The following NUDT5 variants were observed in gnomAD, a reference collection of about 807,000 sequenced individuals.
NUDT5 encodes nudix hydrolase 5, also known as ADP-sugar pyrophosphatase.
A neutral mutation model predicts 34.1 loss-of-function variants in NUDT5; 21 were observed. The observed-to-expected ratio is 0.62, with a 90% CI of 0.44 to 0.89. The LOEUF is 0.89. NUDT5 is among the 40% of genes least tolerant of loss of function. The probability of loss-of-function intolerance (pLI) is 0.00; values close to 1 mark genes in which losing one functional copy is unlikely to be tolerated. For missense variants in NUDT5, 249 were observed against 274.8 expected, an observed-to-expected ratio of 0.91 and a Z score of 0.66; for synonymous variants, 85 against 97.6, an observed-to-expected ratio of 0.87 and a Z score of 0.76.
intron 3 of NUDT5, 152 bp downstream of exon 3, chr10:12,184,737 A>G: frequency 3.1e-6 from 2 of 650,384 alleles, no homozygotes; most frequent in South Asian, 4.2e-5. Flanking sequence ...ACTATAAATG[A>G]TGCAAACATC....
rs542612511 is a variant in NUDT5 at position 12,172,793 on chromosome 10, G to A, written c.459C>T (p.Ala153=). Residue 153 remains alanine (A), a synonymous_variant, in exon 7 of 10, where the codon GCC becomes GCT. Coordinates refer to ENST00000491614, the MANE Select transcript of NUDT5 (RefSeq NM_014142.4). ...IVTVTINGDD[A]ENARPKPKPG... ...GCTTTGGCTTCGGCCTTGCGTTTTC[G>A]GCATCATCTCCGTTAATGGTGACTG... 1.2e-5 allele frequency: 19 copies of A among 1,614,058 alleles called. No individual in the cohort carries two copies. The highest frequency in any genetic ancestry group is 1.6e-4 in the Middle Eastern group (1 of 6,062).
Position 12,189,435 on chromosome 10 carries a change from A to G in NUDT5, c.-41-3103T>C, listed in dbSNP as rs537911129. ...AAAGAGAGTATTTCTTTGGAATGCA[A>G]TCAGCCTCAAAGGGAAACAGTATCG... On this transcript the variant is annotated intron_variant, in intron 1 of 9. Transcript: ENST00000491614. Among the ~76,000 whole-genome samples, 13 of 152,340 alleles carry G rather than the reference A, an allele frequency of 8.5e-5. 1 individual carries two copies. The highest frequency in any genetic ancestry group is 2.6e-4 in the African/African-American group (11 of 41,566).
chr10:12,191,976 C>A (rs7901293), intron 1 of NUDT5, among the ~76,000 whole-genome samples: 3,921 of 152,178 alleles, frequency 0.026, 166 homozygotes, highest in African/African-American at 0.089. Context: ...TCTGCTGAGG[C>A]TGCAAAGTGA....
Position 12,169,236 on chromosome 10 carries a change from A to G in NUDT5, c.551-1425T>C, listed in dbSNP as rs748458271. ...CTCTCCACCTCCCCTCACTTATTCTATTTTTTTCTCCCTTTTCTAAGACCA... is the reference window on the plus strand; with the variant it reads ...CTCTCCACCTCCCCTCACTTATTCTGTTTTTTTCTCCCTTTTCTAAGACCA... On this transcript the variant is annotated intron_variant, in intron 9 of 9. Coordinates refer to ENST00000491614, the MANE Select transcript of NUDT5 (RefSeq NM_014142.4). The surrounding 1 kb of genome is among the most constrained non-coding windows in gnomAD (Gnocchi z 4.8). 35 of 1,516,436 alleles carry G rather than the reference A, an allele frequency of 2.3e-5. No individual in the cohort carries two copies. In the Admixed American group the frequency reaches 3.8e-4, roughly 16 times the overall value. The allele number at this position is 1,516,436 out of a possible 1,614,324, so 93.9% of individuals were successfully genotyped here. A position where few individuals can be genotyped will look rare whatever the true frequency, so the allele number is the denominator to read the frequency against.
At position 12,170,070 on chromosome 10, in the gene NUDT5, G is replaced by C; in HGVS notation, c.550+647C>G. 6.3e-7 allele frequency: 1 copy of C among 1,596,156 alleles called. No individual in the cohort carries two copies. The highest frequency in any genetic ancestry group is 8.6e-7 in the Non-Finnish European group (1 of 1,164,796). On this transcript the variant is annotated intron_variant, in intron 9 of 9. Transcript: ENST00000491614. The surrounding 1 kb of genome is among the most constrained non-coding windows in gnomAD (Gnocchi z 4.9). ...TACAGTATCTCCTCGTCTCCACACA[G>C]TATCTCCTCATGTCTCCATACAGTA...
rs1045542869 is a variant in NUDT5 at position 12,181,098 on chromosome 10, C to T, written c.132-1966G>A. Among the ~76,000 whole-genome samples, 11 of 152,146 alleles carry T rather than the reference C, an allele frequency of 7.2e-5. No individual in the cohort carries two copies. The highest frequency in any genetic ancestry group is 2.7e-4 in the African/African-American group (11 of 41,422). On this transcript the variant is annotated intron_variant, in intron 3 of 9. Coordinates refer to ENST00000491614, the MANE Select transcript of NUDT5 (RefSeq NM_014142.4). This position sits in a 1 kb window ranked among gnomAD's most constrained non-coding sequence, Gnocchi z 5.0. The stretch of plus-strand genomic sequence containing the variant: ...TGCATTCATGGATTCAACCAACCAC[C>T]CATTGAAAATATTTAGGAAAAAAAT...
In NUDT5 at chr10:12,165,446, T is replaced by A; in HGVS notation, c.*2256A>T. 2 of 816,182 alleles carry A rather than the reference T, an allele frequency of 2.5e-6. No individual in the cohort carries two copies. The highest frequency in any genetic ancestry group is 1.9e-5 in the African/African-American group (1 of 53,910). 50.6% of individuals were successfully genotyped at this position (816,182 alleles called of 1,614,324 possible). On this transcript the variant is annotated 3_prime_UTR_variant, in exon 10 of 10. Transcript: ENST00000491614. ...CATTTGTATAGGTTCAGTGTATTCA[T>A]AAGAAGTCCACCCTGAGATGCCTGT...
At chr10:12,185,668 A>G (rs954494275) in intron 2 of NUDT5, among the ~76,000 whole-genome samples, 3 of 152,370 alleles carry the variant, frequency 2.0e-5, no homozygotes, top group African/African-American at 7.2e-5. Context: ...CTGTTCACAG[A>G]CAACATGGAA....
chr10:12,178,266 G>C (rs1834988296), intron 4 of NUDT5, among the ~76,000 whole-genome samples: 1 of 152,178 alleles, frequency 6.6e-6, no homozygotes, highest in South Asian at 2.1e-4. Context: ...AGCCATCCCT[G>C]TGCTCCTGGG....
chr10:12,191,786 C>T (rs980502673), intron 1 of NUDT5, among the ~76,000 whole-genome samples: 7 of 152,166 alleles, frequency 4.6e-5, no homozygotes, highest in African/African-American at 1.7e-4. Context: ...CAGCCCTCTA[C>T]AGAAAGGGAG....
At chr10:12,179,185 C>G in intron 3 of NUDT5, 53 bp from the exon 4 acceptor site, 1 of 1,483,888 alleles carries the variant, frequency 6.7e-7, no homozygotes, top group Non-Finnish European at 9.4e-7. Flanking sequence ...AGAGAATTTT[C>G]TTAGGTTTTC....
intron 5 of NUDT5, among the ~76,000 whole-genome samples, chr10:12,177,353 ACTAAAAAT>A (rs1834967789): frequency 6.6e-6 from 1 of 151,830 alleles, no homozygotes; most frequent in East Asian, 2.0e-4. Context: ...CCCTGTCTCT[ACTAAAAAT>A]ACAAAAAATT....
At position 12,168,803 on chromosome 10, in the gene NUDT5, G is replaced by A. The variant is rs538931298; in HGVS notation, c.551-992C>T. On this transcript the variant is annotated intron_variant, in intron 9 of 9. Transcript: ENST00000491614. The surrounding 1 kb of genome is among the most constrained non-coding windows in gnomAD (Gnocchi z 4.8). Reference sequence around the variant, plus strand: ...TTTTGAGATGGAGTCTCACTTTGTCGCCAGGCTGCAGTGCAGTGCCACGAT... The same window carrying A: ...TTTTGAGATGGAGTCTCACTTTGTCACCAGGCTGCAGTGCAGTGCCACGAT... Among the ~76,000 whole-genome samples, 26 of 151,174 alleles carry A rather than the reference G, an allele frequency of 1.7e-4. No homozygotes were observed. The highest frequency in any genetic ancestry group is 8.6e-4 in the Admixed American group (13 of 15,170).
chr10:12,185,995 T>C (rs1835121013), intron 2 of NUDT5, among the ~76,000 whole-genome samples: 1 of 152,176 alleles, frequency 6.6e-6, no homozygotes, highest in Admixed American at 6.6e-5. Context: ...GGATTAAGAA[T>C]TTTTCTGTTA....
intron 1 of NUDT5, among the ~76,000 whole-genome samples, chr10:12,193,869 CT>C (rs561906932): frequency 0.02 from 2,882 of 143,626 alleles, 67 homozygotes; most frequent in African/African-American, 0.061. Context: ...TCTCTACACT[CT>C]TTTTTTTTTT....
rs1413138705 is a variant in NUDT5, at chr10:12,165,555, T to C, written c.*2147A>G. 1.8e-5 allele frequency: 3 copies of C among 168,270 alleles called. No individual in the cohort carries two copies. Among genetic ancestry groups the C allele is most frequent in the Non-Finnish European group, 1.2e-5 (1 of 82,766 alleles). The allele number at this position is 168,270 out of a possible 1,614,324, so 10.4% of individuals were successfully genotyped here. A position where few individuals can be genotyped will look rare whatever the true frequency, so the allele number is the denominator to read the frequency against. On this transcript the variant is annotated 3_prime_UTR_variant, in exon 10 of 10. Coordinates refer to ENST00000491614, the MANE Select transcript of NUDT5 (RefSeq NM_014142.4). Reference sequence around the variant, plus strand: ...ATAGTGACCAACTTAAGGGTAATCATATATGTGACTAACATTTGGGAGGAA... The same window carrying C: ...ATAGTGACCAACTTAAGGGTAATCACATATGTGACTAACATTTGGGAGGAA...
chr10:12,190,441 GTA>G (rs1312396089), intron 1 of NUDT5, among the ~76,000 whole-genome samples: 1 of 152,076 alleles, frequency 6.6e-6, no homozygotes, highest in Non-Finnish European at 1.5e-5. Context: ...AAACGTCTGT[GTA>G]TATACTCAGT....
intron 1 of NUDT5, among the ~76,000 whole-genome samples, chr10:12,195,176 CA>C (rs1564429544): frequency 6.6e-6 from 1 of 152,138 alleles, no homozygotes; most frequent in Admixed American, 6.6e-5. Context: ...TAAATAAAAG[CA>C]GCTAGTTACT....
In NUDT5 at chr10:12,181,772, G is replaced by A. The variant is rs1032880368; in HGVS notation, c.132-2640C>T. Among the ~76,000 whole-genome samples, 2 of 151,442 alleles carry A rather than the reference G, an allele frequency of 1.3e-5. No individual in the cohort carries two copies. Among genetic ancestry groups the A allele is most frequent in the Non-Finnish European group, 2.9e-5 (2 of 67,888 alleles). ...GGTAGGAGGACTGCTTGAGTTCAGG[G>A]GTTCGAGACCAGCCTGGGCAACATA... On this transcript the variant is annotated intron_variant, in intron 3 of 9. Transcript: ENST00000491614. The surrounding 1 kb of genome is among the most constrained non-coding windows in gnomAD (Gnocchi z 5.0).
Sources: allele counts gnomAD v4.1 joint callset (sites outside exome capture counted in the v4.1 genomes callset), GRCh38; gene constraint gnomAD v4.1.1; non-coding constraint Gnocchi (gnomAD v3.1); transcripts MANE v1.5; gene names NCBI Gene and HGNC (gene_info 2026-07-23, HGNC 2026-07-21).